FGF12: variants seen among roughly 807,000 people sequenced by gnomAD.
FGF12 encodes the protein fibroblast growth factor 12.
A neutral mutation model predicts 23.6 loss-of-function variants in FGF12; 14 were observed. The ratio of observed to expected loss-of-function variants is 0.59; its 90% CI spans 0.39 to 0.93. The LOEUF is 0.93. Among genes scored for constraint, FGF12 ranks in the 40% least tolerant of loss-of-function variants. The pLI is 0.00. For synonymous variants in FGF12, 62 were observed against 77.3 expected (o/e 0.80, Z 1.04); for missense variants, 175 against 217.8 (o/e 0.80, Z 1.24).
intron 4 of FGF12, among the ~76,000 whole-genome samples, chr3:192,246,750 G>C (rs181280480): frequency 2.7e-5 from 4 of 150,466 alleles, no homozygotes; most frequent in African/African-American, 9.8e-5. Flanking sequence ...GCTTGAACCC[G>C]GGAAGCAGAG....
At chr3:192,638,992 A>G (rs1715688096) in intron 2 of FGF12, among the ~76,000 whole-genome samples, 1 of 152,262 alleles carries the variant, frequency 6.6e-6, no homozygotes, top group Non-Finnish European at 1.5e-5. Flanking sequence ...CAAAGGAAAC[A>G]ATCAGCAAAA....
intron 2 of FGF12, among the ~76,000 whole-genome samples, chr3:192,656,280 G>GACACACACAC (rs61645270): frequency 1.4e-4 from 16 of 110,510 alleles, no homozygotes; most frequent in Non-Finnish European, 3.0e-4. Flanking sequence ...AAGGTGAAAA[G>GACACACACAC]ACACACACAC....
chr3:192,727,442 C>T (rs1377335727), intron 1 of FGF12, 42 bp downstream of exon 1: 1 of 1,007,628 alleles, frequency 9.9e-7, no homozygotes, highest in African/African-American at 1.7e-5. Flanking sequence ...TACTGAAATG[C>T]ATGCACAGTG....
At chr3:192,246,515 T>C (rs1577275650) in intron 4 of FGF12, among the ~76,000 whole-genome samples, 1 of 152,008 alleles carries the variant, frequency 6.6e-6, no homozygotes, top group African/African-American at 2.4e-5. Flanking sequence ...TTGACATAAA[T>C]ATAAAAGTGA....
At chr3:192,225,359 CTTTGA>C in intron 4 of FGF12, among the ~76,000 whole-genome samples, 1 of 152,132 alleles carries the variant, frequency 6.6e-6, no homozygotes, top group East Asian at 1.9e-4. Context: ...ATCATCTCGT[CTTTGA>C]TTTTTCCATC....
At chr3:192,602,778 CA>C (rs1714168385) in intron 2 of FGF12, among the ~76,000 whole-genome samples, 1 of 149,802 alleles carries the variant, frequency 6.7e-6, no homozygotes, top group South Asian at 2.1e-4. Flanking sequence ...AAGATAAATG[CA>C]AAAATCCTCA....
intron 2 of FGF12, among the ~76,000 whole-genome samples, chr3:192,639,464 A>G (rs1715709327): frequency 6.6e-6 from 1 of 152,244 alleles, no homozygotes; most frequent in East Asian, 1.9e-4. Context: ...TACGCCCCCA[A>G]AAATGAACTC....
chr3:192,269,735 G>A (rs1443773685), intron 4 of FGF12, among the ~76,000 whole-genome samples: 2 of 151,954 alleles, frequency 1.3e-5, no homozygotes, highest in African/African-American at 4.8e-5. Context: ...TTTACCTCTT[G>A]GCATGTAAAC....
chr3:192,426,393 C>G (rs1721688058), intron 2 of FGF12, among the ~76,000 whole-genome samples: 1 of 152,156 alleles, frequency 6.6e-6, no homozygotes, highest in Non-Finnish European at 1.5e-5. Context: ...AATATCACAT[C>G]CTTTTCTTTA....
At chr3:192,623,808 T>C (rs922683331) in intron 2 of FGF12, among the ~76,000 whole-genome samples, 1 of 152,210 alleles carries the variant, frequency 6.6e-6, no homozygotes, top group Non-Finnish European at 1.5e-5. Context: ...TATTCCCTGT[T>C]GGATTTTTTC....
intron 2 of FGF12, among the ~76,000 whole-genome samples, chr3:192,580,708 A>T: frequency 6.6e-6 from 1 of 152,154 alleles, no homozygotes; most frequent in Admixed American, 6.5e-5. Context: ...CCCAGGTTCA[A>T]GCGATTCTCC....
chr3:192,691,168 C>T (rs1343654874), intron 2 of FGF12, among the ~76,000 whole-genome samples: 2 of 152,036 alleles, frequency 1.3e-5, no homozygotes, highest in South Asian at 2.1e-4. Flanking sequence ...ACTTGAATTA[C>T]TCTTCAGTAC....
chr3:192,677,854 C>T (rs1251883348), intron 2 of FGF12, among the ~76,000 whole-genome samples: 4 of 152,256 alleles, frequency 2.6e-5, no homozygotes, highest in South Asian at 4.1e-4. Context: ...CTGGGGCAGG[C>T]TGACTGAGAA....
chr3:192,586,451 G>A lies in FGF12; in HGVS notation c.13+140730C>T, dbSNP rs913750939. Among the ~76,000 whole-genome samples, 40 of 152,056 alleles carry A rather than the reference G, an allele frequency of 2.6e-4. 1 individual carries two copies. Among genetic ancestry groups the A allele is most frequent in the Non-Finnish European group, 1.5e-4 (10 of 68,010 alleles). On this transcript the variant is annotated intron_variant, in intron 2 of 5. Coordinates refer to ENST00000445105, the MANE Select transcript of FGF12 (RefSeq NM_004113.6). ...GTTACCAATGATTTAATGAAAGAAT[G>A]TAAATAAAGAACTCAGTATAGTACC...
intron 4 of FGF12, among the ~76,000 whole-genome samples, chr3:192,210,475 GC>G (rs1413426197): frequency 1.3e-5 from 2 of 152,180 alleles, no homozygotes; most frequent in African/African-American, 4.8e-5. Context: ...AATATATGGG[GC>G]TTTGGCTGGA....
At chr3:192,217,815 ACTTTTCTTTTTTT>A (rs1219431013) in intron 4 of FGF12, among the ~76,000 whole-genome samples, 2 of 151,612 alleles carry the variant, frequency 1.3e-5, no homozygotes, top group Admixed American at 6.6e-5. Context: ...AATTCTTGTC[ACTTTTCTTTTTTT>A]CTTTTCTTTT....
At chr3:192,219,056 T>C (rs974689433) in intron 4 of FGF12, among the ~76,000 whole-genome samples, 6 of 152,152 alleles carry the variant, frequency 3.9e-5, no homozygotes, top group African/African-American at 1.4e-4. Flanking sequence ...ATTAGAAACA[T>C]TTACTTATAA....
At position 192,561,609 on chromosome 3, in the gene FGF12, G is replaced by A. The variant is rs941836845; in HGVS notation, c.13+165572C>T. Among the ~76,000 whole-genome samples the A allele has an allele frequency of 5.9e-4, 90 of 152,060 alleles. 1 individual carries two copies. The highest frequency in any genetic ancestry group is 2.1e-3 in the Admixed American group (32 of 15,284). On this transcript the variant is annotated intron_variant, in intron 2 of 5. Transcript: ENST00000445105. ...GATCTCCTGACCTTGTGATCCGCCC[G>A]CCTCGGCCTCCCAAAGTGCTGGGAT...
chr3:192,661,449 T>C (rs949035574), intron 2 of FGF12, among the ~76,000 whole-genome samples: 4 of 152,056 alleles, frequency 2.6e-5, no homozygotes, highest in African/African-American at 4.8e-5. Flanking sequence ...TTGCTTGAAC[T>C]GGGTGGCAGA....
Sources: allele counts gnomAD v4.1 joint callset (sites outside exome capture counted in the v4.1 genomes callset), GRCh38; gene constraint gnomAD v4.1.1; transcripts MANE v1.5; gene names NCBI Gene and HGNC (gene_info 2026-07-23, HGNC 2026-07-21).